Variants in AFF1 observed in about 807,000 individuals in gnomAD.
The protein encoded by AFF1 is AF4/FMR2 family member 1.
AFF1 carries 48 observed loss-of-function variants against 121.7 expected under a neutral mutation model. The ratio of observed to expected loss-of-function variants is 0.39; its 90% CI spans 0.31 to 0.50. The LOEUF is 0.50. AFF1 is among the 20% of genes least tolerant of loss of function. AFF1 has a pLI of 0.76. For missense variants in AFF1, 1,523 were observed against 1,511.7 expected, an observed-to-expected ratio of 1.01 and a Z score of -0.12; for synonymous variants, 613 against 563.0, an observed-to-expected ratio of 1.09 and a Z score of -1.26.
intron 2 of AFF1, among the ~76,000 whole-genome samples, chr4:87,030,800 C>T (rs574988580): frequency 1.3e-5 from 2 of 152,246 alleles, no homozygotes; most frequent in African/African-American, 4.8e-5. Flanking sequence ...TAACCAGCGT[C>T]CTGGTACTCT....
chr4:87,071,718 A>G (rs573443391), intron 4 of AFF1, among the ~76,000 whole-genome samples: 6 of 152,246 alleles, frequency 3.9e-5, no homozygotes, highest in African/African-American at 7.2e-5. Flanking sequence ...TCTAAAGGCA[A>G]TTTCCAAAGG....
intron 2 of AFF1, among the ~76,000 whole-genome samples, chr4:86,961,683 T>C (rs910698876): frequency 1.1e-4 from 17 of 151,064 alleles, no homozygotes; most frequent in African/African-American, 3.1e-4. Context: ...AATTAAGGAA[T>C]GGAGGTGGTT....
At chr4:87,049,098 G>T (rs866873339) in intron 4 of AFF1, among the ~76,000 whole-genome samples, 1 of 32,652 alleles carries the variant, frequency 3.1e-5, no homozygotes, top group Non-Finnish European at 5.9e-5. Context: ...AAAAAAAAGG[G>T]GGGGGGGGGA....
In AFF1 at chr4:87,047,270, A is replaced by G. The variant is rs750030618; in HGVS notation, c.735A>G (p.Lys245=). ...TTCATGGCAGCAGCAATAACAGTAA[A>G]GGCTATTGCCCAGCCAAATCTCCCA... The part of the protein sequence containing the change: ...SKVHGSSNNS[K]GYCPAKSPKD... Residue 245 remains lysine (K), a synonymous_variant, in exon 4 of 21, where the codon AAA becomes AAG. Coordinates refer to ENST00000395146, the MANE Select transcript of AFF1 (RefSeq NM_001166693.3). The G allele has an allele frequency of 6.2e-7, 1 of 1,614,172 alleles. No individual in the cohort carries two copies. Among genetic ancestry groups the G allele is most frequent in the East Asian group, 2.2e-5 (1 of 44,880 alleles).
intron 2 of AFF1, among the ~76,000 whole-genome samples, chr4:86,982,358 G>A (rs1723816506): frequency 6.8e-6 from 1 of 146,478 alleles, no homozygotes; most frequent in African/African-American, 2.5e-5. Flanking sequence ...ACAAGAAGAA[G>A]GCAAGCGCTG....
At chr4:87,057,948 C>A (rs1720321383) in intron 4 of AFF1, among the ~76,000 whole-genome samples, 1 of 151,818 alleles carries the variant, frequency 6.6e-6, no homozygotes, top group Non-Finnish European at 1.5e-5. Flanking sequence ...TCTGTGAGCT[C>A]ACTCCTGAAC....
intron 4 of AFF1, among the ~76,000 whole-genome samples, chr4:87,067,160 A>C: frequency 6.6e-6 from 1 of 151,972 alleles, no homozygotes. Flanking sequence ...GGATGGAAGA[A>C]AAGAAAGAAA....
At chr4:87,104,642 C>T (rs774907091) in intron 8 of AFF1, among the ~76,000 whole-genome samples, 10 of 152,142 alleles carry the variant, frequency 6.6e-5, no homozygotes, top group African/African-American at 9.7e-5. Flanking sequence ...ACCATGCCTG[C>T]TTTCTTCAGT....
At chr4:87,031,465 C>T (rs531432508) in intron 2 of AFF1, among the ~76,000 whole-genome samples, 38 of 151,398 alleles carry the variant, frequency 2.5e-4, no homozygotes, top group Non-Finnish European at 4.4e-4. Context: ...TTTGTTCCTC[C>T]TCCTTCATTT....
intron 2 of AFF1, among the ~76,000 whole-genome samples, chr4:87,041,981 GCCTGGGCGA>G (rs1730206286): frequency 6.7e-6 from 1 of 150,098 alleles, no homozygotes; most frequent in South Asian, 2.1e-4. Flanking sequence ...CTGCACTCCA[GCCTGGGCGA>G]CAGAGCGAGA....
In AFF1 at chr4:87,140,365, G is replaced by A; in HGVS notation, c.*4664G>A. On this transcript the variant is annotated 3_prime_UTR_variant, in exon 21 of 21. Transcript: ENST00000395146. ...GGGTTGTGTGTGTGTATGTGTGTAT[G>A]TACGCACGCATGTGTCCCAAATCTT... 5.1e-6 allele frequency: 1 copy of A among 195,324 alleles called. No homozygotes were observed. The highest frequency in any genetic ancestry group is 1.1e-5 in the Non-Finnish European group (1 of 93,794). The allele number at this position is 195,324 out of a possible 1,614,324, so 12.1% of individuals were successfully genotyped here.
rs1172907729 is a variant in AFF1 at position 87,139,339 on chromosome 4, TTTG to T, written c.*3641_*3643del. The T allele has an allele frequency of 8.6e-6, 2 of 233,176 alleles. No individual in the cohort carries two copies. The highest frequency in any genetic ancestry group is 1.1e-4 in the Admixed American group (2 of 17,782). The allele number at this position is 233,176 out of a possible 1,614,324, so 14.4% of individuals were successfully genotyped here. On this transcript the variant is annotated 3_prime_UTR_variant, in exon 21 of 21. Transcript: ENST00000395146. The stretch of plus-strand genomic sequence containing the variant: ...GCTTGAGGCTGGGCTTTCGGGTTTT[TTTG>T]TTTTTTGTTTTGTTTTGTTTTGTTT...
intron 4 of AFF1, among the ~76,000 whole-genome samples, chr4:87,072,229 G>A (rs965087377): frequency 3.9e-5 from 6 of 151,902 alleles, no homozygotes; most frequent in Non-Finnish European, 5.9e-5. Flanking sequence ...TGGGCCTGGT[G>A]GCGGGCGCCT....
chr4:86,963,619 G>C (rs979197453), intron 2 of AFF1, among the ~76,000 whole-genome samples: 4 of 152,114 alleles, frequency 2.6e-5, no homozygotes, highest in African/African-American at 9.7e-5. Context: ...GGGTAGGTCA[G>C]GCAGATAGTT....
chr4:87,054,076 G>A (rs1731519416), intron 4 of AFF1, among the ~76,000 whole-genome samples: 1 of 152,190 alleles, frequency 6.6e-6, no homozygotes, highest in East Asian at 1.9e-4. Flanking sequence ...CAGGATATAA[G>A]CCCAGTACCA....
Position 87,032,174 on chromosome 4 carries a change from C to T in AFF1, c.39-13992C>T, listed in dbSNP as rs557744716. Among the ~76,000 whole-genome samples the T allele has an allele frequency of 1.0e-3, 152 of 152,162 alleles. 1 individual carries two copies. The highest frequency in any genetic ancestry group is 3.5e-3 in the African/African-American group (147 of 41,502). On this transcript the variant is annotated intron_variant, in intron 2 of 20. Coordinates refer to ENST00000395146, the MANE Select transcript of AFF1 (RefSeq NM_001166693.3). Reference sequence around the variant, plus strand: ...AGCTTTAAGGAGATGCCAATTATAGCGGGTAGTAGGAGGTGAGCTGGGGTT... The same window carrying T: ...AGCTTTAAGGAGATGCCAATTATAGTGGGTAGTAGGAGGTGAGCTGGGGTT...
chr4:86,977,575 T>G (rs1386679571), intron 2 of AFF1, among the ~76,000 whole-genome samples: 1 of 152,158 alleles, frequency 6.6e-6, no homozygotes, highest in African/African-American at 2.4e-5. Flanking sequence ...CCTCACCCCC[T>G]GCATAATTAC....
intron 4 of AFF1, among the ~76,000 whole-genome samples, chr4:87,076,647 G>T (rs552579731): frequency 2.6e-5 from 4 of 152,210 alleles, no homozygotes; most frequent in Admixed American, 1.3e-4. Flanking sequence ...TTAATCTTTA[G>T]CATGGCTGTT....
chr4:86,978,177 CTTTTTTTTTT>C (rs10676975), intron 2 of AFF1, among the ~76,000 whole-genome samples: 6 of 39,336 alleles, frequency 1.5e-4, no homozygotes, highest in South Asian at 3.9e-3. Context: ...ATTACATTCA[CTTTTTTTTTT>C]TTTTTTTTTT....
Sources: allele counts gnomAD v4.1 joint callset (sites outside exome capture counted in the v4.1 genomes callset), GRCh38; gene constraint gnomAD v4.1.1; transcripts MANE v1.5; gene names NCBI Gene and HGNC (gene_info 2026-07-23, HGNC 2026-07-21).